The following ACSF2 variants were observed in gnomAD, a reference collection of about 807,000 sequenced individuals.
ACSF2 encodes the protein medium-chain acyl-CoA ligase ACSF2, mitochondrial.
Under a neutral mutation model 79.3 loss-of-function variants are expected in ACSF2, and 52 were observed. That is an observed-to-expected ratio of 0.66 (90% CI 0.53 to 0.83). The LOEUF (loss-of-function observed/expected upper bound fraction) is 0.83. Among genes scored for constraint, ACSF2 ranks in the 40% least tolerant of loss-of-function variants. ACSF2 has a pLI of 0.00. For synonymous variants in ACSF2, 283 were observed against 312.6 expected, an observed-to-expected ratio of 0.91 and a Z score of 1.00; for missense variants, 661 against 803.3, an observed-to-expected ratio of 0.82 and a Z score of 2.14.
At chr17:50,465,888 A>T in intron 10 of ACSF2, 4 of 1,613,614 alleles carry the variant, frequency 2.5e-6, no homozygotes, top group Non-Finnish European at 3.4e-6. Flanking sequence ...GCAAGGTGGG[A>T]GCAAGGTGGG....
chr17:50,470,826 C>G, intron 10 of ACSF2: 1 of 540,504 alleles, frequency 1.9e-6, no homozygotes, highest in Non-Finnish European at 3.3e-6. Flanking sequence ...GATCTGGGGC[C>G]CTGCAGAGAT....
chr17:50,469,516 C>T (rs986172160), intron 10 of ACSF2, among the ~76,000 whole-genome samples: 6 of 152,230 alleles, frequency 3.9e-5, no homozygotes, highest in African/African-American at 1.4e-4. Flanking sequence ...TCTTCCAACC[C>T]CGCTTGCGTT....
At chr17:50,468,631 G>C in intron 10 of ACSF2, 1 of 1,614,252 alleles carries the variant, frequency 6.2e-7, no homozygotes, top group Non-Finnish European at 8.5e-7. Flanking sequence ...CCGGGAAGTT[G>C]TTGCGCTGTA....
At position 50,465,347 on chromosome 17, in the gene ACSF2, C is replaced by T. The variant is rs146998244; in HGVS notation, c.1215+1053C>T. On this transcript the variant is annotated intron_variant, in intron 10 of 15. Transcript: ENST00000300441. ...CCTCTTGGTGGGGAACTTGCAGCTGCGGAAGGCGTCCGTGTCACGGATGTG... is the reference window on the plus strand; with the variant it reads ...CCTCTTGGTGGGGAACTTGCAGCTGTGGAAGGCGTCCGTGTCACGGATGTG... The T allele has an allele frequency of 9.0e-5, 145 of 1,613,894 alleles. No individual in the cohort carries two copies. The highest frequency in any genetic ancestry group is 2.0e-4 in the East Asian group (9 of 44,874).
Position 50,430,652 on chromosome 17 carries a change from G to A in ACSF2, c.128+4263G>A, listed in dbSNP as rs544148919. On this transcript the variant is annotated intron_variant, in intron 1 of 15. Transcript: ENST00000300441. ...TGCACTCCAACCTGGGCGACAGAGC[G>A]AGACTCTGTCTCTAAATAAATAAAT... 5.3e-5 allele frequency among the ~76,000 whole-genome samples: 8 copies of A among 152,310 alleles called. No individual in the cohort carries two copies. The South Asian group carries it at 1.4e-3, about 28-fold the overall frequency.
Position 50,463,073 on chromosome 17 carries a change from CGGTCCCG to C in ACSF2, c.793-82_793-76del. ...GCAACAATCCCTGTCTCCTGATTCC[CGGTCCCG>C]TGCTCTTCAAGGCAGTGGCCCAGGG... On this transcript the variant is annotated intron_variant, in intron 6 of 15. Coordinates refer to ENST00000300441, the MANE Select transcript of ACSF2 (RefSeq NM_025149.6). This position sits in a 1 kb window ranked among gnomAD's most constrained non-coding sequence, Gnocchi z 4.6. 1.8e-6 allele frequency: 2 copies of C among 1,132,150 alleles called. No individual in the cohort carries two copies. The highest frequency in any genetic ancestry group is 2.8e-5 in the South Asian group (2 of 72,466). The allele number at this position is 1,132,150 out of a possible 1,614,324, so 70.1% of individuals were successfully genotyped here. A position where few individuals can be genotyped will look rare whatever the true frequency, so the allele number is the denominator to read the frequency against.
chr17:50,468,575 A>G, intron 10 of ACSF2: 3 of 1,614,238 alleles, frequency 1.9e-6, no homozygotes, highest in Non-Finnish European at 2.5e-6. Flanking sequence ...CTGCAGGTGC[A>G]ATGACACGAG....
Position 50,471,428 on chromosome 17 carries a change from C to G in ACSF2, c.1323+293C>G. 1 of 426,684 alleles carries G rather than the reference C, an allele frequency of 2.3e-6. No homozygotes were observed. The highest frequency in any genetic ancestry group is 4.4e-6 in the Non-Finnish European group (1 of 228,180). The allele number at this position is 426,684 out of a possible 1,614,324, so 26.4% of individuals were successfully genotyped here. ...AAGCCCACTGTCTGTTTCAGGGCAG[C>G]CAGGGTAGCCTCAAAGAGGAGCCAG... is the stretch of plus-strand genomic sequence containing the variant. On this transcript the variant is annotated intron_variant, in intron 11 of 15. Transcript: ENST00000300441. The surrounding 1 kb of genome is among the most constrained non-coding windows in gnomAD (Gnocchi z 4.1).
At chr17:50,434,123 G>C (rs544750825) in intron 1 of ACSF2, among the ~76,000 whole-genome samples, 3 of 151,786 alleles carry the variant, frequency 2.0e-5, no homozygotes, top group African/African-American at 7.2e-5. Flanking sequence ...AGACCAGCCT[G>C]GGCAACATAG....
chr17:50,465,749 T>C lies in ACSF2; in HGVS notation c.1215+1455T>C, dbSNP rs772620031. 3 of 1,613,618 alleles carry C rather than the reference T, an allele frequency of 1.9e-6. No homozygotes were observed. In the Admixed American group the frequency reaches 5.0e-5, roughly 27 times the overall value. On this transcript the variant is annotated intron_variant, in intron 10 of 15. Transcript: ENST00000300441. ...CTGGCAGGTACACTTCCAGGGGTTA[T>C]TGGTAAGGGCGAGGGTCTCCAGGCT...
rs920469605 is a variant in ACSF2, at chr17:50,426,878, C to G, written c.128+489C>G. 1.4e-5 allele frequency: 22 copies of G among 1,535,256 alleles called. No individual in the cohort carries two copies. The East Asian group carries it at 5.1e-4, about 36-fold the overall frequency. ...TGGCTTTAATTCTTTGCTGCCTACT[C>G]CTGGGCCTATTTCCTTCTGTCCTCA... is the stretch of plus-strand genomic sequence containing the variant. On this transcript the variant is annotated intron_variant, in intron 1 of 15. Transcript: ENST00000300441.
intron 10 of ACSF2, chr17:50,469,089 G>T (rs940533946): frequency 2.5e-6 from 3 of 1,211,300 alleles, no homozygotes; most frequent in Non-Finnish European, 3.1e-6. Flanking sequence ...CGAGCCCCGA[G>T]CCCTGAGCCC....
At chr17:50,453,066 T>C (rs1429314682) in intron 1 of ACSF2, among the ~76,000 whole-genome samples, 2 of 152,204 alleles carry the variant, frequency 1.3e-5, no homozygotes, top group African/African-American at 2.4e-5. Flanking sequence ...TGGGCAGGCA[T>C]GGCTGTAACG....
chr17:50,464,282 G>A lies in ACSF2; in HGVS notation c.1203G>A (p.Met401Ile). The stretch of plus-strand genomic sequence containing the variant: ...GAGCCATCATCAACAAGATAAATAT[G>A]AAGGACCTGGTGGTGAGTGGTGACT... ...LIRAIINKIN[M>I]KDLVVAYGTT... Residue 401 changes from methionine to isoleucine, a missense_variant, in exon 10 of 16, where the codon ATG (methionine) becomes ATA (isoleucine). Met to Ile is a conservative substitution (Grantham distance 10). Transcript: ENST00000300441. 1 of 1,614,118 alleles carries A rather than the reference G, an allele frequency of 6.2e-7. No homozygotes were observed. Among genetic ancestry groups the A allele is most frequent in the Non-Finnish European group, 8.5e-7 (1 of 1,180,030 alleles).
intron 10 of ACSF2, chr17:50,467,896 G>C (rs2032841272): frequency 5.4e-6 from 4 of 735,930 alleles, no homozygotes; most frequent in South Asian, 2.0e-5. Context: ...GCGAGGAAGG[G>C]AGGTGGCAGA....
intron 1 of ACSF2, among the ~76,000 whole-genome samples, chr17:50,443,730 C>G (rs1376353522): frequency 3.3e-5 from 5 of 152,190 alleles, no homozygotes; most frequent in Non-Finnish European, 7.3e-5. Flanking sequence ...AATCTTATAC[C>G]AGTTTACACT....
intron 10 of ACSF2, chr17:50,468,467 G>GC: frequency 1.1e-5 from 18 of 1,614,274 alleles, no homozygotes; most frequent in Non-Finnish European, 1.1e-5. Flanking sequence ...GAAGGCACCT[G>GC]CGCGCAGCAC....
intron 10 of ACSF2, chr17:50,465,459 C>T: frequency 6.2e-7 from 1 of 1,612,744 alleles, no homozygotes; most frequent in Non-Finnish European, 8.5e-7. Flanking sequence ...CAGAAACTTG[C>T]TGGGGCTGGG....
intron 10 of ACSF2, chr17:50,464,642 C>T: frequency 2.0e-6 from 1 of 490,962 alleles, no homozygotes; most frequent in Non-Finnish European, 4.0e-6. Flanking sequence ...AAAACCCTTT[C>T]TGGAAGCAAG....
Sources: gnomAD v4.1 joint callset for allele counts (sites outside exome capture counted in the v4.1 genomes callset) on GRCh38, gnomAD v4.1.1 for gene constraint, Gnocchi (gnomAD v3.1) non-coding constraint, MANE v1.5 for transcripts, NCBI Gene and HGNC (gene_info 2026-07-23, HGNC 2026-07-21) for gene names.